ZNRF1: variants seen among roughly 807,000 people sequenced by gnomAD.
ZNRF1 encodes zinc and ring finger 1, also known as E3 ubiquitin-protein ligase ZNRF1.
ZNRF1 carries 3 observed loss-of-function variants against 18.4 expected under a neutral mutation model. That is an observed-to-expected ratio of 0.16 (90% CI 0.07 to 0.42). ZNRF1 has a LOEUF of 0.42. Ranked by LOEUF, ZNRF1 falls within the 10% of genes least tolerant of loss-of-function variation. The pLI, the probability that ZNRF1 is intolerant of heterozygous loss-of-function variation, is 0.99. For synonymous variants in ZNRF1, 157 were observed against 144.2 expected (o/e 1.09, Z -0.64); for missense variants, 310 against 329.8 (o/e 0.94, Z 0.47).
chr16:75,014,307 C>T (rs532956250), intron 1 of ZNRF1, among the ~76,000 whole-genome samples: 10 of 152,248 alleles, frequency 6.6e-5, no homozygotes, highest in Admixed American at 2.6e-4. Context: ...GTGTTTTTCC[C>T]GCCATATATG....
At chr16:75,024,359 G>GT (rs1449922440) in intron 1 of ZNRF1, among the ~76,000 whole-genome samples, 13 of 152,262 alleles carry the variant, frequency 8.5e-5, no homozygotes, top group African/African-American at 2.6e-4. Flanking sequence ...AGTTGAGAAC[G>GT]TTTTTTTAAA....
intron 1 of ZNRF1, among the ~76,000 whole-genome samples, chr16:75,074,775 A>T (rs1255332125): frequency 6.6e-6 from 1 of 151,994 alleles, no homozygotes; most frequent in Non-Finnish European, 1.5e-5. Context: ...TCCATAATAA[A>T]GGTTTTTTTA....
At chr16:75,035,344 TTTCTTA>T (rs2035364240) in intron 1 of ZNRF1, among the ~76,000 whole-genome samples, 1 of 152,258 alleles carries the variant, frequency 6.6e-6, no homozygotes, top group East Asian at 1.9e-4. Context: ...TTAAAATGTT[TTTCTTA>T]TAGAAAGTAT....
rs984053239 is a variant in ZNRF1, at chr16:75,110,492, C to T, written c.*2792C>T. On this transcript the variant is annotated 3_prime_UTR_variant, in exon 5 of 5. Coordinates refer to ENST00000335325, the MANE Select transcript of ZNRF1 (RefSeq NM_032268.5). ...GTACTGCAGTTCATGGGAAAATGTC[C>T]TCATTCTTAGGAGATAGATGCTGGA... The T allele has an allele frequency of 1.3e-5, 2 of 152,212 alleles. No individual in the cohort carries two copies. The highest frequency in any genetic ancestry group is 4.8e-5 in the African/African-American group (2 of 41,450). 9.4% of individuals were successfully genotyped at this position (152,212 alleles called of 1,614,324 possible).
At chr16:75,033,517 G>A (rs1430388135) in intron 1 of ZNRF1, among the ~76,000 whole-genome samples, 1 of 145,924 alleles carries the variant, frequency 6.9e-6, no homozygotes, top group East Asian at 2.0e-4. Flanking sequence ...TTGGCTCACT[G>A]CAACCTCTGC....
At chr16:75,076,929 C>A (rs2035946772) in intron 1 of ZNRF1, among the ~76,000 whole-genome samples, 1 of 152,028 alleles carries the variant, frequency 6.6e-6, no homozygotes, top group East Asian at 2.0e-4. Flanking sequence ...ACACATCAGA[C>A]CTGGCAGCAC....
At chr16:75,001,222 A>G (rs1051752489) in intron 1 of ZNRF1, among the ~76,000 whole-genome samples, 6 of 152,112 alleles carry the variant, frequency 3.9e-5, no homozygotes, top group Non-Finnish European at 8.8e-5. Context: ...TATCTGTTGG[A>G]TCACTCTTTT....
At chr16:75,041,383 G>A (rs1485819565) in intron 1 of ZNRF1, among the ~76,000 whole-genome samples, 3 of 152,042 alleles carry the variant, frequency 2.0e-5, no homozygotes, top group Admixed American at 2.0e-4. Context: ...AGGCTAGAGT[G>A]CAACGGCATG....
chr16:75,002,837 G>C (rs2034870082), intron 1 of ZNRF1, among the ~76,000 whole-genome samples: 1 of 152,154 alleles, frequency 6.6e-6, no homozygotes, highest in Admixed American at 6.5e-5. Flanking sequence ...CCTAATCCTA[G>C]AGTGCTTTTC....
intron 1 of ZNRF1, among the ~76,000 whole-genome samples, chr16:75,045,286 A>T (rs1206922283): frequency 6.6e-6 from 1 of 151,850 alleles, no homozygotes; most frequent in African/African-American, 2.4e-5. Flanking sequence ...AAATACATGA[A>T]CTCTGCCTGC....
At chr16:75,092,642 A>G (rs1474711048) in intron 1 of ZNRF1, among the ~76,000 whole-genome samples, 4 of 152,254 alleles carry the variant, frequency 2.6e-5, no homozygotes, top group Non-Finnish European at 4.4e-5. Flanking sequence ...GTTCAACTCG[A>G]AAGATTCTCA....
intron 1 of ZNRF1, among the ~76,000 whole-genome samples, chr16:75,056,619 A>G (rs1326266253): frequency 1.3e-5 from 2 of 151,926 alleles, no homozygotes; most frequent in African/African-American, 2.4e-5. Flanking sequence ...TGGTTCATGG[A>G]AAAACCTTTT....
intron 1 of ZNRF1, among the ~76,000 whole-genome samples, chr16:75,005,583 G>C (rs960753984): frequency 6.6e-6 from 1 of 152,188 alleles, no homozygotes; most frequent in Non-Finnish European, 1.5e-5. Flanking sequence ...CCTATCCAAA[G>C]GGGATTCGTT....
intron 2 of ZNRF1, chr16:75,095,857 C>A (rs916646170): frequency 1.6e-5 from 17 of 1,037,392 alleles, no homozygotes; most frequent in Non-Finnish European, 2.1e-5. Flanking sequence ...TTGGTTTACC[C>A]CCCTACACCC....
chr16:75,095,477 C>A, intron 2 of ZNRF1: 1 of 1,088,134 alleles, frequency 9.2e-7, no homozygotes, highest in Non-Finnish European at 1.3e-6. Flanking sequence ...CACAGCCCTC[C>A]CTAGCCATGG....
At chr16:75,045,630 T>C (rs1345114555) in intron 1 of ZNRF1, among the ~76,000 whole-genome samples, 1 of 152,150 alleles carries the variant, frequency 6.6e-6, no homozygotes, top group African/African-American at 2.4e-5. Flanking sequence ...CCTCCTGCCA[T>C]GGCCATAGCA....
intron 1 of ZNRF1, among the ~76,000 whole-genome samples, chr16:75,016,645 C>T (rs1025452711): frequency 2.0e-5 from 3 of 151,676 alleles, no homozygotes; most frequent in African/African-American, 7.3e-5. Flanking sequence ...AAGCAATTCT[C>T]ATGCCATAGC....
At chr16:75,095,829 C>A in intron 2 of ZNRF1, 1 of 1,341,102 alleles carries the variant, frequency 7.5e-7, no homozygotes, top group South Asian at 1.8e-5. Flanking sequence ...TGTATCAGCA[C>A]TTGAGTGCCT....
intron 1 of ZNRF1, among the ~76,000 whole-genome samples, chr16:75,012,972 G>T (rs1049851472): frequency 6.6e-6 from 1 of 152,148 alleles, no homozygotes; most frequent in African/African-American, 2.4e-5. Flanking sequence ...ATAATAAAGG[G>T]CACAGGCATG....
Sources: gnomAD v4.1 joint callset for allele counts (sites outside exome capture counted in the v4.1 genomes callset) on GRCh38, gnomAD v4.1.1 for gene constraint, MANE v1.5 for transcripts, NCBI Gene and HGNC (gene_info 2026-07-23, HGNC 2026-07-21) for gene names.